Variants in TENM4 observed in about 807,000 individuals in gnomAD.
TENM4 encodes the protein teneurin-4.
In TENM4, 82 loss-of-function variants were observed where a neutral mutation model predicts 243.3. That is an observed-to-expected ratio of 0.34 (90% CI 0.28 to 0.40). The LOEUF is 0.40. Ranked by LOEUF, TENM4 falls within the 10% of genes least tolerant of loss-of-function variation. The probability of loss-of-function intolerance (pLI) is 1.00; values close to 1 mark genes in which losing one functional copy is unlikely to be tolerated. For missense variants in TENM4, 3,138 were observed against 3,673.3 expected (o/e 0.85, Z 3.77); for synonymous variants, 1,412 against 1,456.3 (o/e 0.97, Z 0.69).
intron 2 of TENM4, among the ~76,000 whole-genome samples, chr11:79,219,791 G>T (rs1335571191): frequency 6.6e-6 from 1 of 152,126 alleles, no homozygotes; most frequent in Non-Finnish European, 1.5e-5. Flanking sequence ...TCATTTCCTG[G>T]GCTGCCTTTC....
rs1857830506 is a variant in TENM4 at position 78,653,936 on chromosome 11, A to T, written c.*4122T>A. The T allele has an allele frequency of 6.6e-6, 1 of 152,248 alleles. No individual in the cohort carries two copies. Among genetic ancestry groups the T allele is most frequent in the African/African-American group, 2.4e-5 (1 of 41,466 alleles). The allele number at this position is 152,248 out of a possible 1,614,324, so 9.4% of individuals were successfully genotyped here. A position where few individuals can be genotyped will look rare whatever the true frequency, so the allele number is the denominator to read the frequency against. On this transcript the variant is annotated 3_prime_UTR_variant, in exon 34 of 34. Transcript: ENST00000278550. The stretch of plus-strand genomic sequence containing the variant: ...GTTTTTGTGAATGTGAAGGTTGGAG[A>T]GGATAAGGTTTCTCTCTATCACCTC...
At chr11:79,138,680 A>C (rs1862174895) in intron 4 of TENM4, among the ~76,000 whole-genome samples, 1 of 97,520 alleles carries the variant, frequency 1.0e-5, no homozygotes, top group South Asian at 3.1e-4. Flanking sequence ...ATAAATACAT[A>C]AAACATACAT....
In TENM4 at chr11:78,939,466, G is replaced by T. The variant is rs150233470; in HGVS notation, c.494-35943C>A. Among the ~76,000 whole-genome samples the T allele has an allele frequency of 8.9e-4, 135 of 152,346 alleles. 1 individual carries two copies. Among genetic ancestry groups the T allele is most frequent in the African/African-American group, 3.0e-3 (125 of 41,582 alleles). ...ACAATGTCTTGTTCTTTCATTCCTT[G>T]ATATCTTTGTGCATGGTATTGCCTG... On this transcript the variant is annotated intron_variant, in intron 6 of 33. Transcript: ENST00000278550.
chr11:79,351,443 C>T (rs566279406), intron 1 of TENM4, among the ~76,000 whole-genome samples: 1 of 152,278 alleles, frequency 6.6e-6, no homozygotes, highest in African/African-American at 2.4e-5. Flanking sequence ...CGTTGGCTCA[C>T]ACCTGTAATC....
intron 2 of TENM4, among the ~76,000 whole-genome samples, chr11:79,293,837 T>G (rs549124498): frequency 6.6e-6 from 1 of 152,266 alleles, no homozygotes; most frequent in African/African-American, 2.4e-5. Context: ...AGCACACCAA[T>G]GGGGTTTCTG....
At chr11:79,349,811 T>C (rs2135475586) in intron 1 of TENM4, among the ~76,000 whole-genome samples, 2 of 152,254 alleles carry the variant, frequency 1.3e-5, no homozygotes, top group East Asian at 3.9e-4. Context: ...ATCTGAAACC[T>C]CAATTTATAG....
chr11:79,320,057 C>T (rs541645254), intron 1 of TENM4, among the ~76,000 whole-genome samples: 1 of 152,314 alleles, frequency 6.6e-6, no homozygotes, highest in African/African-American at 2.4e-5. Context: ...GAACATAGCT[C>T]ATCGTAGAGC....
At chr11:79,233,254 C>T (rs1301565313) in intron 2 of TENM4, among the ~76,000 whole-genome samples, 1 of 152,230 alleles carries the variant, frequency 6.6e-6, no homozygotes, top group African/African-American at 2.4e-5. Flanking sequence ...CTAGCATGAA[C>T]TCTGACACAT....
chr11:79,204,754 G>C (rs1195507139), intron 3 of TENM4, among the ~76,000 whole-genome samples: 2 of 152,144 alleles, frequency 1.3e-5, no homozygotes, highest in Non-Finnish European at 2.9e-5. Context: ...AGTGGGGAGA[G>C]TCTTACACAT....
intron 2 of TENM4, among the ~76,000 whole-genome samples, chr11:79,225,438 G>C (rs1864244326): frequency 6.6e-6 from 1 of 151,928 alleles, no homozygotes; most frequent in African/African-American, 2.4e-5. Flanking sequence ...TTTTGAGACT[G>C]GGTCTCCCAT....
intron 18 of TENM4, 111 bp downstream of exon 18, chr11:78,770,881 T>C (rs1856632601): frequency 7.0e-7 from 1 of 1,437,976 alleles, no homozygotes; most frequent in Non-Finnish European, 9.3e-7. Flanking sequence ...CAGGTCCCCC[T>C]GACTGGATGA....
At chr11:79,299,265 C>T (rs1040864104) in intron 1 of TENM4, among the ~76,000 whole-genome samples, 1 of 152,134 alleles carries the variant, frequency 6.6e-6, no homozygotes, top group African/African-American at 2.4e-5. Context: ...TCTTTCAAAG[C>T]TGAAATCGTA....
chr11:78,857,960 T>C (rs1259155086), intron 10 of TENM4, among the ~76,000 whole-genome samples: 1 of 152,186 alleles, frequency 6.6e-6, no homozygotes, highest in African/African-American at 2.4e-5. Flanking sequence ...CCTTCTGAGC[T>C]TTTTCCTCCT....
intron 1 of TENM4, among the ~76,000 whole-genome samples, chr11:79,338,046 C>T (rs1857176406): frequency 6.6e-6 from 1 of 152,234 alleles, no homozygotes; most frequent in African/African-American, 2.4e-5. Flanking sequence ...GGGATGACTG[C>T]TTCTCAACTG....
rs527995910 is a variant in TENM4, at chr11:79,352,711, TG to T, written c.-320-55169del. On this transcript the variant is annotated intron_variant, in intron 1 of 33. Transcript: ENST00000278550. Reference sequence around the variant, plus strand: ...TGGAGTCCCATAGCAGCCTCCTCTCTGGCCTCTGTGCATTTATTCCAAAGGG... The same window carrying T: ...TGGAGTCCCATAGCAGCCTCCTCTCTGCCTCTGTGCATTTATTCCAAAGGG... 1.8e-4 allele frequency among the ~76,000 whole-genome samples: 27 copies of T among 152,252 alleles called. 1 individual carries two copies. The South Asian group carries it at 5.6e-3, about 32-fold the overall frequency.
At chr11:78,893,459 A>T (rs967387468) in intron 7 of TENM4, among the ~76,000 whole-genome samples, 12 of 152,230 alleles carry the variant, frequency 7.9e-5, no homozygotes, top group African/African-American at 2.9e-4. Flanking sequence ...TGGCTTCATA[A>T]GCATTTTAGA....
chr11:79,072,045 T>C (rs183563022), intron 4 of TENM4, among the ~76,000 whole-genome samples: 1 of 152,314 alleles, frequency 6.6e-6, no homozygotes, highest in Non-Finnish European at 1.5e-5. Context: ...CTCTGAGCTC[T>C]GCCATCCTGA....
intron 18 of TENM4, among the ~76,000 whole-genome samples, chr11:78,757,899 T>C (rs1311394033): frequency 6.6e-6 from 1 of 152,190 alleles, no homozygotes; most frequent in Non-Finnish European, 1.5e-5. Flanking sequence ...GGAATTCTCT[T>C]TACCACATGG....
chr11:79,172,064 A>T (rs1863057212), intron 3 of TENM4, among the ~76,000 whole-genome samples: 2 of 152,218 alleles, frequency 1.3e-5, no homozygotes, highest in East Asian at 3.9e-4. Context: ...GGATCCTTTC[A>T]CCTCAGCTTT....
Sources: allele counts gnomAD v4.1 joint callset (sites outside exome capture counted in the v4.1 genomes callset), GRCh38; gene constraint gnomAD v4.1.1; transcripts MANE v1.5; gene names NCBI Gene and HGNC (gene_info 2026-07-23, HGNC 2026-07-21).